Variants in KCND2 observed in about 807,000 individuals in gnomAD.
The protein encoded by KCND2 is potassium voltage-gated channel subfamily D member 2, also known as A-type voltage-gated potassium channel KCND2.
KCND2 carries 16 observed loss-of-function variants against 54.4 expected under a neutral mutation model. The observed-to-expected ratio is 0.29, with a 90% confidence interval of 0.20 to 0.45. The LOEUF (loss-of-function observed/expected upper bound fraction) is 0.45, where lower values mean the gene tolerates loss of function less well. KCND2 is among the 20% of genes least tolerant of loss of function. The pLI, the probability that KCND2 is intolerant of heterozygous loss-of-function variation, is 1.00. For missense variants in KCND2, 486 were observed against 824.2 expected, an observed-to-expected ratio of 0.59 and a Z score of 5.02; for synonymous variants, 317 against 310.7, an observed-to-expected ratio of 1.02 and a Z score of -0.21.
At chr7:120,502,352 G>A (rs979034016) in intron 1 of KCND2, among the ~76,000 whole-genome samples, 1 of 151,930 alleles carries the variant, frequency 6.6e-6, no homozygotes, top group Admixed American at 6.6e-5. Context: ...CCTCAACAGG[G>A]TTGCAGAAGG....
chr7:120,390,883 T>C (rs893268653), intron 1 of KCND2, among the ~76,000 whole-genome samples: 1 of 152,004 alleles, frequency 6.6e-6, no homozygotes, highest in Non-Finnish European at 1.5e-5. Flanking sequence ...AAACAGAAAG[T>C]TTTTTTATTG....
In KCND2 at chr7:120,411,624, A is replaced by T. The variant is rs184972872; in HGVS notation, c.1115+135877A>T. 2.6e-5 allele frequency among the ~76,000 whole-genome samples: 4 copies of T among 152,084 alleles called. No homozygotes were observed. In the East Asian group the frequency reaches 7.7e-4, roughly 29 times the overall value. ...CATAATTTAAAAACTTTGTAAGAAG[A>T]GGAAGGATGAGTACCAATATGCAGA... On this transcript the variant is annotated intron_variant, in intron 1 of 5. Coordinates refer to ENST00000331113, the MANE Select transcript of KCND2 (RefSeq NM_012281.3).
At chr7:120,386,548 A>T (rs1426130652) in intron 1 of KCND2, among the ~76,000 whole-genome samples, 1 of 152,146 alleles carries the variant, frequency 6.6e-6, no homozygotes. Context: ...TCAATTAGCA[A>T]TGCTTCTTAA....
At chr7:120,589,518 C>G (rs1792644025) in intron 1 of KCND2, among the ~76,000 whole-genome samples, 1 of 152,148 alleles carries the variant, frequency 6.6e-6, no homozygotes, top group Admixed American at 6.5e-5. Context: ...CTATTGAAGT[C>G]CTTTCCAGCT....
chr7:120,446,400 A>G (rs1257654392), intron 1 of KCND2, among the ~76,000 whole-genome samples: 2 of 152,318 alleles, frequency 1.3e-5, no homozygotes, highest in African/African-American at 2.4e-5. Context: ...ATAACAATCA[A>G]CAACCAATCC....
intron 1 of KCND2, among the ~76,000 whole-genome samples, chr7:120,640,383 T>C (rs1194801691): frequency 2.6e-5 from 4 of 152,184 alleles, no homozygotes; most frequent in Admixed American, 2.6e-4. Flanking sequence ...TTTCATTAAA[T>C]AGTTGTGTTG....
rs1799142618 is a variant in KCND2, at chr7:120,274,558, G to C, written c.-75G>C. 2 of 1,557,356 alleles carry C rather than the reference G, an allele frequency of 1.3e-6. No homozygotes were observed. The highest frequency in any genetic ancestry group is 1.8e-6 in the Non-Finnish European group (2 of 1,129,148). On this transcript the variant is annotated 5_prime_UTR_variant, in exon 1 of 6. Transcript: ENST00000331113. Reference sequence around the variant, plus strand: ...CTAGTACTTTGCTTGACTGGAGGAAGTGGGTGACTTTTGGCTGCTTCGGTG... The same window carrying C: ...CTAGTACTTTGCTTGACTGGAGGAACTGGGTGACTTTTGGCTGCTTCGGTG...
At chr7:120,618,815 C>T (rs1465025590) in intron 1 of KCND2, among the ~76,000 whole-genome samples, 1 of 151,940 alleles carries the variant, frequency 6.6e-6, no homozygotes, top group Non-Finnish European at 1.5e-5. Context: ...ATTCAGTGTA[C>T]TAAGAGATTT....
intron 1 of KCND2, among the ~76,000 whole-genome samples, chr7:120,578,780 A>G (rs10245675): frequency 1.3e-5 from 2 of 151,904 alleles, no homozygotes; most frequent in African/African-American, 4.8e-5. Flanking sequence ...CAGGAGAATC[A>G]CTTGAATCCA....
At chr7:120,520,200 T>G (rs1306203807) in intron 1 of KCND2, among the ~76,000 whole-genome samples, 1 of 152,108 alleles carries the variant, frequency 6.6e-6, no homozygotes. Flanking sequence ...GTAATATTTA[T>G]GTATAAGTAG....
rs573711874 is a variant in KCND2, at chr7:120,643,971, G to A, written c.1116-88932G>A. Among the ~76,000 whole-genome samples, 794 of 151,736 alleles carry A rather than the reference G, an allele frequency of 5.2e-3. 7 individuals carry two copies. The highest frequency in any genetic ancestry group is 8.6e-3 in the Non-Finnish European group (587 of 67,866). ...AGGGCATATTATTAGAATAACATAA[G>A]TAATCTAGGTTTATTTCCTCATATT... On this transcript the variant is annotated intron_variant, in intron 1 of 5. Coordinates refer to ENST00000331113, the MANE Select transcript of KCND2 (RefSeq NM_012281.3).
intron 1 of KCND2, chr7:120,463,939 A>C: frequency 2.6e-6 from 1 of 381,804 alleles, no homozygotes. Flanking sequence ...AGATAGATAG[A>C]TAGATCGACA....
chr7:120,575,041 A>C (rs1792411538), intron 1 of KCND2, among the ~76,000 whole-genome samples: 1 of 152,184 alleles, frequency 6.6e-6, no homozygotes. Context: ...TGTGTATTAG[A>C]GTTCTCTAGA....
chr7:120,562,760 C>G (rs951009035), intron 1 of KCND2, among the ~76,000 whole-genome samples: 2 of 152,004 alleles, frequency 1.3e-5, no homozygotes, highest in Non-Finnish European at 2.9e-5. Flanking sequence ...AAATAAAACT[C>G]AGATATATTT....
intron 1 of KCND2, among the ~76,000 whole-genome samples, chr7:120,596,113 G>A (rs1411277798): frequency 6.6e-6 from 1 of 152,058 alleles, no homozygotes; most frequent in Non-Finnish European, 1.5e-5. Flanking sequence ...TTTGATAAGG[G>A]CAACTTTGCC....
At chr7:120,655,556 A>G (rs934773399) in intron 1 of KCND2, among the ~76,000 whole-genome samples, 9 of 152,116 alleles carry the variant, frequency 5.9e-5, no homozygotes, top group Admixed American at 2.6e-4. Flanking sequence ...GAAGGGGAAT[A>G]TAGTAATAGC....
At chr7:120,534,579 G>C (rs186136672) in intron 1 of KCND2, among the ~76,000 whole-genome samples, 1 of 152,218 alleles carries the variant, frequency 6.6e-6, no homozygotes, top group Admixed American at 6.6e-5. Context: ...GTTTGCATTA[G>C]GGAAAATTAA....
chr7:120,466,724 A>G (rs1389604645), intron 1 of KCND2, among the ~76,000 whole-genome samples: 1 of 152,198 alleles, frequency 6.6e-6, no homozygotes, highest in Admixed American at 6.6e-5. Context: ...TCCCAAACTT[A>G]GTGCTTAAAA....
rs369944416 is a variant in KCND2, at chr7:120,579,601, A to AAAATAAATAAAT, written c.1116-153266_1116-153255dup. Among the ~76,000 whole-genome samples, 129 of 140,358 alleles carry AAAATAAATAAAT rather than the reference A, an allele frequency of 9.2e-4. 1 individual carries two copies. Among genetic ancestry groups the AAAATAAATAAAT allele is most frequent in the African/African-American group, 2.1e-3 (81 of 38,388 alleles). 92.1% of individuals were successfully genotyped at this position (140,358 alleles called of 152,430 possible). A position where few individuals can be genotyped will look rare whatever the true frequency, so the allele number is the denominator to read the frequency against. On this transcript the variant is annotated intron_variant, in intron 1 of 5. Coordinates refer to ENST00000331113, the MANE Select transcript of KCND2 (RefSeq NM_012281.3). ...TGGAGACGGGGCGAGACTCTGTCTA[A>AAAATAAATAAAT]AAATAAATAAATAAATAAATAAATA...
Sources: allele counts gnomAD v4.1 joint callset (sites outside exome capture counted in the v4.1 genomes callset), GRCh38; gene constraint gnomAD v4.1.1; transcripts MANE v1.5; gene names NCBI Gene and HGNC (gene_info 2026-07-23, HGNC 2026-07-21).